PMEPA1: variants seen among roughly 807,000 people sequenced by gnomAD.
PMEPA1 encodes protein TMEPAI.
PMEPA1 carries 11 observed loss-of-function variants against 23.0 expected under a neutral mutation model. The observed-to-expected ratio is 0.48, with a 90% CI of 0.30 to 0.79. The LOEUF is 0.79. Among genes scored for constraint, PMEPA1 ranks in the 30% least tolerant of loss-of-function variants. The probability of loss-of-function intolerance (pLI) is 0.06; values close to 1 mark genes in which losing one functional copy is unlikely to be tolerated. For missense variants in PMEPA1, 377 were observed against 390.9 expected (o/e 0.96, Z 0.30); for synonymous variants, 204 against 166.4 (o/e 1.23, Z -1.74).
chr20:57,667,257 CTGGACCTGAACTGAGGGCAGAGCA>C (rs1463651254), intron 1 of PMEPA1, among the ~76,000 whole-genome samples: 25 of 152,284 alleles, frequency 1.6e-4, no homozygotes, highest in African/African-American at 5.8e-4. Flanking sequence ...GGGGCAGAGC[CTGGACCTGAACTGAGGGCAGAGCA>C]GGGGCCTCAG....
chr20:57,687,929 G>T (rs764163201), intron 1 of PMEPA1, among the ~76,000 whole-genome samples: 1 of 151,904 alleles, frequency 6.6e-6, no homozygotes, highest in Non-Finnish European at 1.5e-5. Flanking sequence ...CCTGTCCAGG[G>T]AAGTAAGTCT....
At chr20:57,694,655 CTATT>C (rs2071922850) in intron 1 of PMEPA1, among the ~76,000 whole-genome samples, 1 of 152,204 alleles carries the variant, frequency 6.6e-6, no homozygotes, top group Non-Finnish European at 1.5e-5. Flanking sequence ...GAGCCTCAGT[CTATT>C]TATCTGTAAA....
Position 57,653,455 on chromosome 20 carries a change from C to T in PMEPA1, c.265-369G>A, listed in dbSNP as rs111620664. Among the ~76,000 whole-genome samples the T allele has an allele frequency of 6.8e-3, 1,034 of 152,378 alleles. 13 individuals carry two copies. The highest frequency in any genetic ancestry group is 0.024 in the African/African-American group (995 of 41,590). On this transcript the variant is annotated intron_variant, in intron 2 of 3. Transcript: ENST00000341744. Reference sequence around the variant, plus strand: ...GCCCCTCACCCCTGGCCCCACTCCCCTGGGCCTGGGCCCCCTGCTGGCTGT... The same window carrying T: ...GCCCCTCACCCCTGGCCCCACTCCCTTGGGCCTGGGCCCCCTGCTGGCTGT...
At chr20:57,658,217 C>T (rs1317010940) in intron 2 of PMEPA1, among the ~76,000 whole-genome samples, 1 of 151,394 alleles carries the variant, frequency 6.6e-6, no homozygotes, top group East Asian at 2.0e-4. Flanking sequence ...TCCAGAACAC[C>T]CACCAATGCT....
intron 1 of PMEPA1, among the ~76,000 whole-genome samples, chr20:57,671,470 T>C (rs1367053286): frequency 6.6e-6 from 1 of 152,028 alleles, no homozygotes; most frequent in African/African-American, 2.4e-5. Context: ...CCCTGCAAGT[T>C]CAACTTCCAG....
At chr20:57,659,104 G>T (rs2071369601) in intron 2 of PMEPA1, among the ~76,000 whole-genome samples, 1 of 152,208 alleles carries the variant, frequency 6.6e-6, no homozygotes, top group East Asian at 1.9e-4. Flanking sequence ...CTAGCCGAGG[G>T]TTCCTCGCAG....
intron 1 of PMEPA1, among the ~76,000 whole-genome samples, chr20:57,697,337 T>C (rs2071954850): frequency 6.6e-6 from 1 of 152,184 alleles, no homozygotes; most frequent in South Asian, 2.1e-4. Context: ...AGGATCTGAG[T>C]GCAGCAAGGA....
chr20:57,710,871 C>T (rs776838774), upstream of PMEPA1: 4 of 172,026 alleles, frequency 2.3e-5, no homozygotes, highest in Admixed American at 6.3e-5. Flanking sequence ...TGGCCCACCT[C>T]CAGCCTCTTA....
At chr20:57,710,258 G>C, upstream of PMEPA1, 1 of 587,722 alleles carries the variant, frequency 1.7e-6, no homozygotes, top group Admixed American at 4.1e-5. Context: ...ACGCCTGCCC[G>C]GCGCACGCCC....
intron 2 of PMEPA1, among the ~76,000 whole-genome samples, chr20:57,658,912 C>T (rs931515301): frequency 3.3e-5 from 5 of 152,192 alleles, no homozygotes; most frequent in Non-Finnish European, 5.9e-5. Context: ...GCCGGCCCCT[C>T]GTCTCCACCA....
At chr20:57,662,249 T>TC (rs993790910) in intron 1 of PMEPA1, among the ~76,000 whole-genome samples, 1 of 152,208 alleles carries the variant, frequency 6.6e-6, no homozygotes, top group Non-Finnish European at 1.5e-5. Flanking sequence ...GACAGGACTG[T>TC]CCCCCATGAC....
At chr20:57,686,351 C>T (rs1481900191) in intron 1 of PMEPA1, among the ~76,000 whole-genome samples, 1 of 152,174 alleles carries the variant, frequency 6.6e-6, no homozygotes, top group Admixed American at 6.5e-5. Context: ...CCATGCCTGC[C>T]CTGCTCATGG....
intron 1 of PMEPA1, among the ~76,000 whole-genome samples, chr20:57,665,567 C>G (rs2071481090): frequency 6.6e-6 from 1 of 151,700 alleles, no homozygotes; most frequent in Non-Finnish European, 1.5e-5. Context: ...TGCGAGAGCT[C>G]AGAACGGGAC....
intron 1 of PMEPA1, among the ~76,000 whole-genome samples, chr20:57,707,496 C>T (rs528222759): frequency 1.1e-4 from 16 of 152,342 alleles, no homozygotes; most frequent in Admixed American, 2.6e-4. Flanking sequence ...CAGGTATTAA[C>T]CCCAAGGGTC....
At chr20:57,685,103 G>A (rs887294667) in intron 1 of PMEPA1, among the ~76,000 whole-genome samples, 2 of 151,894 alleles carry the variant, frequency 1.3e-5, no homozygotes, top group Non-Finnish European at 2.9e-5. Flanking sequence ...TGTAACCAGA[G>A]GGAAAAGCCA....
intron 2 of PMEPA1, among the ~76,000 whole-genome samples, chr20:57,657,795 T>TGGGCGCCACCACCAACCCC: frequency 6.6e-6 from 1 of 152,220 alleles, no homozygotes; most frequent in Non-Finnish European, 1.5e-5. Flanking sequence ...CCAGGGACTC[T>TGGGCGCCACCACCAACCCC]GGGCGCCACC....
chr20:57,693,805 A>G (rs959464263), intron 1 of PMEPA1, among the ~76,000 whole-genome samples: 2 of 152,184 alleles, frequency 1.3e-5, no homozygotes, highest in African/African-American at 4.8e-5. Flanking sequence ...CAGGATACAG[A>G]CACTCTGAGT....
At chr20:57,692,296 C>T (rs753435621) in intron 1 of PMEPA1, among the ~76,000 whole-genome samples, 15 of 152,252 alleles carry the variant, frequency 9.9e-5, no homozygotes, top group Non-Finnish European at 2.2e-4. Context: ...CACTCACTCC[C>T]TATGGATGGG....
intron 1 of PMEPA1, among the ~76,000 whole-genome samples, chr20:57,701,615 T>G (rs2072012223): frequency 6.6e-6 from 1 of 152,112 alleles, no homozygotes; most frequent in East Asian, 1.9e-4. Context: ...TAGTGGAAAC[T>G]TTGGAGCATT....
Sources: allele counts gnomAD v4.1 joint callset (sites outside exome capture counted in the v4.1 genomes callset), GRCh38; gene constraint gnomAD v4.1.1; transcripts MANE v1.5; gene names NCBI Gene and HGNC (gene_info 2026-07-23, HGNC 2026-07-21).